The following CNTN6 variants were observed in gnomAD, a reference collection of about 807,000 sequenced individuals.
CNTN6 encodes the protein contactin-6.
In CNTN6, 137 loss-of-function variants were observed where a neutral mutation model predicts 122.8. The observed-to-expected ratio is 1.12, with a 90% CI of 0.97 to 1.29. The LOEUF (loss-of-function observed/expected upper bound fraction) is 1.29. Ranked by LOEUF, CNTN6 falls within the 50% of genes most tolerant of loss-of-function variation. The pLI is 0.00. For synonymous variants in CNTN6, 570 were observed against 426.0 expected (o/e 1.34, Z -4.16); for missense variants, 1,634 against 1,223.4 (o/e 1.34, Z -5.01).
chr3:1,285,892 C>T (rs1333457103), intron 5 of CNTN6, among the ~76,000 whole-genome samples: 1 of 152,198 alleles, frequency 6.6e-6, no homozygotes, highest in African/African-American at 2.4e-5. Context: ...GAGAGGTCTA[C>T]TGATTTGCCT....
intron 5 of CNTN6, among the ~76,000 whole-genome samples, chr3:1,281,309 A>G (rs1433773432): frequency 6.6e-6 from 1 of 152,160 alleles, no homozygotes; most frequent in Non-Finnish European, 1.5e-5. Flanking sequence ...TCCTAGAAAT[A>G]TATTCATGGG....
chr3:1,140,683 T>G (rs2092588197), intron 1 of CNTN6, among the ~76,000 whole-genome samples: 1 of 152,176 alleles, frequency 6.6e-6, no homozygotes, highest in African/African-American at 2.4e-5. Flanking sequence ...CTGAGTTAAG[T>G]TCTACAGCTT....
chr3:1,250,480 T>C (rs2094647160), intron 4 of CNTN6, among the ~76,000 whole-genome samples: 1 of 152,158 alleles, frequency 6.6e-6, no homozygotes, highest in Admixed American at 6.5e-5. Context: ...CTTGGCAAGA[T>C]TCCCACAAAC....
chr3:1,306,534 A>G (rs951264048), intron 7 of CNTN6, among the ~76,000 whole-genome samples: 2 of 152,214 alleles, frequency 1.3e-5, no homozygotes, highest in Non-Finnish European at 2.9e-5. Context: ...GGTATGCTGA[A>G]AAGTGTGGAC....
intron 1 of CNTN6, among the ~76,000 whole-genome samples, chr3:1,145,475 G>C (rs547254639): frequency 8.3e-6 from 1 of 120,944 alleles, no homozygotes; most frequent in Non-Finnish European, 1.7e-5. Flanking sequence ...TTTATCACAA[G>C]AAGGAGACAG....
intron 12 of CNTN6, among the ~76,000 whole-genome samples, chr3:1,357,190 A>G (rs2126090903): frequency 6.6e-6 from 1 of 151,946 alleles, no homozygotes; most frequent in East Asian, 1.9e-4. Flanking sequence ...TAAACCTATT[A>G]TTGGTCAAAG....
intron 2 of CNTN6, among the ~76,000 whole-genome samples, chr3:1,157,945 T>C (rs937959317): frequency 6.6e-6 from 1 of 152,244 alleles, no homozygotes; most frequent in Non-Finnish European, 1.5e-5. Context: ...TGAATAGTGC[T>C]GCAACAAACA....
At chr3:1,359,991 C>T (rs1707216857) in intron 12 of CNTN6, among the ~76,000 whole-genome samples, 1 of 152,184 alleles carries the variant, frequency 6.6e-6, no homozygotes, top group African/African-American at 2.4e-5. Flanking sequence ...TGTGTTGACG[C>T]TCCATTGCCT....
chr3:1,133,917 A>G (rs549898901), intron 1 of CNTN6, among the ~76,000 whole-genome samples: 2 of 152,200 alleles, frequency 1.3e-5, no homozygotes, highest in South Asian at 4.1e-4. Context: ...CCTGCTGTGG[A>G]TCTCACTACA....
At chr3:1,326,626 T>C (rs1467037297) in intron 9 of CNTN6, among the ~76,000 whole-genome samples, 1 of 151,816 alleles carries the variant, frequency 6.6e-6, no homozygotes, top group African/African-American at 2.4e-5. Context: ...GAAAGATTTG[T>C]TTTTTACCTA....
intron 19 of CNTN6, among the ~76,000 whole-genome samples, chr3:1,384,738 T>TAC (rs1255588316): frequency 6.9e-4 from 79 of 114,226 alleles, no homozygotes; most frequent in African/African-American, 2.6e-3. Flanking sequence ...CACATATATA[T>TAC]ACATATATAC....
intron 2 of CNTN6, among the ~76,000 whole-genome samples, chr3:1,152,325 G>C (rs1046024302): frequency 6.6e-6 from 1 of 151,998 alleles, no homozygotes; most frequent in Non-Finnish European, 1.5e-5. Context: ...TTTTAGTAGA[G>C]ACAGGGTTTC....
intron 11 of CNTN6, among the ~76,000 whole-genome samples, chr3:1,345,510 T>C (rs1224343770): frequency 1.3e-5 from 2 of 152,218 alleles, no homozygotes; most frequent in Non-Finnish European, 2.9e-5. Flanking sequence ...ATTTACTTGT[T>C]TGTAGATTGA....
chr3:1,330,244 G>A (rs573519176), intron 11 of CNTN6, among the ~76,000 whole-genome samples: 1 of 152,006 alleles, frequency 6.6e-6, no homozygotes, highest in African/African-American at 2.4e-5. Context: ...AGCCTGCTGA[G>A]AAATCAGTGC....
intron 4 of CNTN6, among the ~76,000 whole-genome samples, chr3:1,274,799 A>G (rs1218547078): frequency 1.3e-5 from 2 of 152,180 alleles, no homozygotes; most frequent in Admixed American, 1.3e-4. Context: ...TCAGAATGTC[A>G]TAATCATAGT....
chr3:1,226,946 A>G (rs902139746), intron 3 of CNTN6, among the ~76,000 whole-genome samples: 2 of 152,306 alleles, frequency 1.3e-5, no homozygotes, highest in Non-Finnish European at 1.5e-5. Context: ...AATGTATCTC[A>G]TTAGATATAT....
At chr3:1,129,848 A>G (rs2092288142) in intron 1 of CNTN6, among the ~76,000 whole-genome samples, 1 of 145,454 alleles carries the variant, frequency 6.9e-6, no homozygotes, top group South Asian at 2.1e-4. Flanking sequence ...CATGCTTTTG[A>G]AAACTATTTA....
intron 20 of CNTN6, among the ~76,000 whole-genome samples, chr3:1,396,338 T>C (rs1379118265): frequency 6.6e-6 from 1 of 152,090 alleles, no homozygotes; most frequent in East Asian, 1.9e-4. Context: ...CCCCAAAATT[T>C]CCCCTTTAAT....
At chr3:1,118,252 C>T (rs917342056) in intron 1 of CNTN6, among the ~76,000 whole-genome samples, 5 of 152,100 alleles carry the variant, frequency 3.3e-5, no homozygotes, top group South Asian at 2.1e-4. Flanking sequence ...CCACAGGACT[C>T]GGTGACTCAC....
Sources: gnomAD v4.1 joint callset for allele counts (sites outside exome capture counted in the v4.1 genomes callset) on GRCh38, gnomAD v4.1.1 for gene constraint, MANE v1.5 for transcripts, NCBI Gene and HGNC (gene_info 2026-07-23, HGNC 2026-07-21) for gene names.